Variants in C1QTNF7 observed in about 807,000 individuals in gnomAD.
C1QTNF7 encodes C1q and TNF related 7, also known as complement C1q tumor necrosis factor-related protein 7.
C1QTNF7 carries 15 observed loss-of-function variants against 19.6 expected under a neutral mutation model. That is an observed-to-expected ratio of 0.76 (90% CI 0.51 to 1.18). C1QTNF7 has a LOEUF of 1.18. Ranked by LOEUF, C1QTNF7 falls within the 50% of genes most tolerant of loss-of-function variation. C1QTNF7 has a pLI of 0.00. For synonymous variants in C1QTNF7, 142 were observed against 137.5 expected, an observed-to-expected ratio of 1.03 and a Z score of -0.23; for missense variants, 324 against 359.7, an observed-to-expected ratio of 0.90 and a Z score of 0.80.
chr4:15,344,701 C>T (rs139885752), intron 1 of C1QTNF7, among the ~76,000 whole-genome samples: 108 of 152,302 alleles, frequency 7.1e-4, no homozygotes, highest in Non-Finnish European at 1.2e-3. Flanking sequence ...ATCAAGCAGG[C>T]ATATTTCCAA....
chr4:15,420,826 CTTTTTTTT>C (rs61609914), intron 1 of C1QTNF7, among the ~76,000 whole-genome samples: 54 of 66,246 alleles, frequency 8.2e-4, no homozygotes, highest in South Asian at 1.7e-3. Flanking sequence ...ACTGCTTTGT[CTTTTTTTT>C]TTTTTTTTTT....
intron 1 of C1QTNF7, among the ~76,000 whole-genome samples, chr4:15,388,637 G>A (rs1273926922): frequency 6.6e-6 from 1 of 152,198 alleles, no homozygotes; most frequent in Admixed American, 6.5e-5. Context: ...CAAGGTCAAT[G>A]ATATGATCAT....
chr4:15,422,718 C>T (rs1711835689), intron 1 of C1QTNF7, among the ~76,000 whole-genome samples: 1 of 152,146 alleles, frequency 6.6e-6, no homozygotes, highest in Admixed American at 6.5e-5. Flanking sequence ...CATCCTCCCA[C>T]CTCAGCCTTC....
chr4:15,393,165 T>C (rs1054385366), intron 1 of C1QTNF7, among the ~76,000 whole-genome samples: 2 of 152,232 alleles, frequency 1.3e-5, no homozygotes, highest in Non-Finnish European at 2.9e-5. Context: ...TTCTGTCTTG[T>C]CTGCCGCCAT....
chr4:15,417,602 A>T (rs186496033), intron 1 of C1QTNF7, among the ~76,000 whole-genome samples: 2 of 152,246 alleles, frequency 1.3e-5, no homozygotes, highest in East Asian at 3.9e-4. Context: ...CATAGTGAGA[A>T]CCTGTCTCTA....
At chr4:15,433,147 G>A (rs187387105) in intron 1 of C1QTNF7, among the ~76,000 whole-genome samples, 13 of 152,202 alleles carry the variant, frequency 8.5e-5, no homozygotes, top group African/African-American at 2.9e-4. Flanking sequence ...TGCACCCCAT[G>A]TCTAGTTAAA....
chr4:15,374,295 G>A (rs1210748153), intron 1 of C1QTNF7: 1 of 152,506 alleles, frequency 6.6e-6, no homozygotes, highest in Non-Finnish European at 1.5e-5. Context: ...TAGCTGATAA[G>A]AAAGAAATTG....
intron 1 of C1QTNF7, among the ~76,000 whole-genome samples, chr4:15,393,948 T>C (rs1688946480): frequency 7.2e-6 from 1 of 139,192 alleles, no homozygotes; most frequent in Non-Finnish European, 1.5e-5. Flanking sequence ...CTACATCGTA[T>C]AGTGACTGCA....
At chr4:15,385,956 A>C (rs536320868) in intron 1 of C1QTNF7, among the ~76,000 whole-genome samples, 4 of 152,368 alleles carry the variant, frequency 2.6e-5, no homozygotes, top group African/African-American at 9.6e-5. Flanking sequence ...AATTAATTTC[A>C]CTAAGGACAG....
intron 1 of C1QTNF7, chr4:15,419,980 G>A (rs894065447): frequency 6.6e-6 from 1 of 152,172 alleles, no homozygotes; most frequent in Non-Finnish European, 1.5e-5. Context: ...CCTTTCTCCA[G>A]ATAGCAGTCC....
intron 1 of C1QTNF7, among the ~76,000 whole-genome samples, chr4:15,354,393 C>T (rs1287123819): frequency 6.6e-6 from 1 of 152,042 alleles, no homozygotes; most frequent in Non-Finnish European, 1.5e-5. Flanking sequence ...ATGTGGAAAG[C>T]AGACTTTTAG....
At chr4:15,415,504 T>A (rs1659735596) in intron 1 of C1QTNF7, among the ~76,000 whole-genome samples, 1 of 152,142 alleles carries the variant, frequency 6.6e-6, no homozygotes, top group African/African-American at 2.4e-5. Context: ...TGAAAAATAG[T>A]TGGAAAATAC....
intron 1 of C1QTNF7, chr4:15,419,952 A>AT (rs1711671178): frequency 6.6e-6 from 1 of 152,118 alleles, no homozygotes; most frequent in African/African-American, 2.4e-5. Context: ...AGTGTGCTTC[A>AT]TTTTTGCTGC....
At chr4:15,395,646 A>C (rs1404186658) in intron 1 of C1QTNF7, among the ~76,000 whole-genome samples, 1 of 152,210 alleles carries the variant, frequency 6.6e-6, no homozygotes. Context: ...ATAGTGAGAA[A>C]ATAGAGAAAG....
chr4:15,431,947 G>T (rs1487593674), intron 1 of C1QTNF7, among the ~76,000 whole-genome samples: 1 of 152,240 alleles, frequency 6.6e-6, no homozygotes, highest in Admixed American at 6.5e-5. Flanking sequence ...AAGGCAGATT[G>T]CAGTGTTAAG....
chr4:15,361,633 A>G (rs1370566986), intron 1 of C1QTNF7, among the ~76,000 whole-genome samples: 1 of 152,178 alleles, frequency 6.6e-6, no homozygotes, highest in African/African-American at 2.4e-5. Context: ...ATTCAAGCCC[A>G]GTTTGCTAAC....
chr4:15,422,439 C>A (rs568297023), intron 1 of C1QTNF7, among the ~76,000 whole-genome samples: 2 of 152,224 alleles, frequency 1.3e-5, no homozygotes, highest in Non-Finnish European at 2.9e-5. Context: ...TCCTGAAGAC[C>A]AAAGGATCAG....
intron 1 of C1QTNF7, among the ~76,000 whole-genome samples, chr4:15,371,940 G>A (rs538777667): frequency 6.6e-6 from 1 of 152,256 alleles, no homozygotes; most frequent in South Asian, 2.1e-4. Context: ...GAAAGGAAAG[G>A]AAAGGGTCAC....
intron 1 of C1QTNF7, among the ~76,000 whole-genome samples, chr4:15,422,208 T>A (rs372517036): frequency 4.8e-5 from 2 of 41,264 alleles, no homozygotes; most frequent in Non-Finnish European, 1.5e-4. Context: ...CCTGTTTTTT[T>A]TTAAAAAAAA....
Sources: allele counts gnomAD v4.1 joint callset (sites outside exome capture counted in the v4.1 genomes callset), GRCh38; gene constraint gnomAD v4.1.1; transcripts MANE v1.5; gene names NCBI Gene and HGNC (gene_info 2026-07-23, HGNC 2026-07-21).